The following SCARB1 variants were observed in gnomAD, a reference collection of about 807,000 sequenced individuals.
SCARB1 encodes scavenger receptor class B member 1.
A neutral mutation model predicts 57.2 loss-of-function variants in SCARB1; 30 were observed. The observed-to-expected ratio is 0.52, with a 90% confidence interval of 0.39 to 0.71. The LOEUF is 0.71. Ranked by LOEUF, SCARB1 falls within the 30% of genes least tolerant of loss-of-function variation. SCARB1 has a pLI of 0.00. For synonymous variants in SCARB1, 249 were observed against 268.3 expected (o/e 0.93, Z 0.70); for missense variants, 543 against 671.2 (o/e 0.81, Z 2.11).
At chr12:124,856,579 G>C (rs1485194982) in intron 1 of SCARB1, among the ~76,000 whole-genome samples, 2 of 152,232 alleles carry the variant, frequency 1.3e-5, no homozygotes, top group African/African-American at 2.4e-5. Context: ...GCAGGAAAGA[G>C]GAAGAAAAAC....
At position 124,831,389 on chromosome 12, in the gene SCARB1, T is replaced by C. The variant is rs551569109; in HGVS notation, c.127-13682A>G. Reference sequence around the variant, plus strand: ...ACCTTGGCCTCCCAAAGTGCTGGGATTACAGACGTGAGCCACTGCGCCTGG... The same window carrying C: ...ACCTTGGCCTCCCAAAGTGCTGGGACTACAGACGTGAGCCACTGCGCCTGG... On this transcript the variant is annotated intron_variant, in intron 1 of 12. Transcript: ENST00000261693. Among the ~76,000 whole-genome samples the C allele has an allele frequency of 5.3e-5, 8 of 152,256 alleles. No individual in the cohort carries two copies. The East Asian group carries it at 1.5e-3, about 29-fold the overall frequency.
intron 9 of SCARB1, among the ~76,000 whole-genome samples, chr12:124,792,433 T>C (rs921877411): frequency 5.3e-5 from 8 of 151,872 alleles, no homozygotes; most frequent in African/African-American, 1.9e-4. Flanking sequence ...GTGAACTGTT[T>C]GTTAAGAATG....
At chr12:124,821,614 ACTGAC>A in intron 1 of SCARB1, 1 of 846,022 alleles carries the variant, frequency 1.2e-6, no homozygotes, top group Non-Finnish European at 1.4e-6. Context: ...GGGATGGGTC[ACTGAC>A]CTTCTCCGAG....
At position 124,814,300 on chromosome 12, in the gene SCARB1, C is replaced by T; in HGVS notation, c.532G>A (p.Glu178Lys). Reference protein sequence around the residue: ...ERAFMNRTVGEIMWGYKDPLV... With the variant: ...ERAFMNRTVGKIMWGYKDPLV... Reference sequence around the variant, plus strand: ...GGGTCCTTGTAGCCCCACATGATCTCACCCACAGTGCGGTTCATGAAGGCA... The same window carrying T: ...GGGTCCTTGTAGCCCCACATGATCTTACCCACAGTGCGGTTCATGAAGGCA... The change falls in exon 4 of 13, where the codon GAG (glutamate) becomes AAG (lysine). Residue 178 changes from glutamate to lysine, a missense_variant. Coordinates refer to ENST00000261693, the MANE Select transcript of SCARB1 (RefSeq NM_005505.5). The surrounding 1 kb of genome is among the most constrained non-coding windows in gnomAD (Gnocchi z 4.7). The T allele has an allele frequency of 6.2e-7, 1 of 1,614,232 alleles. No individual in the cohort carries two copies. Among genetic ancestry groups the T allele is most frequent in the Non-Finnish European group, 8.5e-7 (1 of 1,180,034 alleles).
At chr12:124,847,239 T>C (rs1209165486) in intron 1 of SCARB1, among the ~76,000 whole-genome samples, 2 of 152,220 alleles carry the variant, frequency 1.3e-5, no homozygotes, top group African/African-American at 4.8e-5. Flanking sequence ...TCCAGGAGCC[T>C]GGGAACAGAC....
In SCARB1 at chr12:124,795,187, C is replaced by A; in HGVS notation, c.1202+8G>T. The A allele has an allele frequency of 1.2e-6, 2 of 1,611,198 alleles. No homozygotes were observed. The highest frequency in any genetic ancestry group is 1.7e-6 in the Non-Finnish European group (2 of 1,177,444). ...GCAATGCAGCCCCAGCTCCCAGTCCCCACTCACCCAATGCCTGCGACAGAT... is the reference window on the plus strand; with the variant it reads ...GCAATGCAGCCCCAGCTCCCAGTCCACACTCACCCAATGCCTGCGACAGAT... On this transcript the variant is annotated splice_region_variant and intron_variant, in intron 9 of 12. Coordinates refer to ENST00000261693, the MANE Select transcript of SCARB1 (RefSeq NM_005505.5).
chr12:124,778,962 T>C (rs941652646), intron 12 of SCARB1, among the ~76,000 whole-genome samples: 3 of 152,176 alleles, frequency 2.0e-5, no homozygotes, highest in African/African-American at 7.2e-5. Flanking sequence ...ATTTATTTTT[T>C]ATTTTTTAGA....
At position 124,789,451 on chromosome 12, in the gene SCARB1, C is replaced by T. The variant is rs1949642925; in HGVS notation, c.1203-1994G>A. On this transcript the variant is annotated intron_variant, in intron 9 of 12. Coordinates refer to ENST00000261693, the MANE Select transcript of SCARB1 (RefSeq NM_005505.5). This position sits in a 1 kb window ranked among gnomAD's most constrained non-coding sequence, Gnocchi z 4.4. ...ACACCTGGGAAACTGTGACCTGCCA[C>T]GACGAAGGGGACCGTGCAGACATGA... Among the ~76,000 whole-genome samples, 1 of 152,118 alleles carries T rather than the reference C, an allele frequency of 6.6e-6. No individual in the cohort carries two copies. Among genetic ancestry groups the T allele is most frequent in the South Asian group, 2.1e-4 (1 of 4,822 alleles).
At chr12:124,824,254 C>G (rs1038921264) in intron 1 of SCARB1, among the ~76,000 whole-genome samples, 1 of 151,526 alleles carries the variant, frequency 6.6e-6, no homozygotes, top group Non-Finnish European at 1.5e-5. Context: ...ATGGACAAAC[C>G]TCAAAAACCT....
At chr12:124,834,769 A>C (rs1216817407) in intron 1 of SCARB1, among the ~76,000 whole-genome samples, 2 of 152,178 alleles carry the variant, frequency 1.3e-5, no homozygotes, top group Admixed American at 1.3e-4. Context: ...ATAGCCAGGC[A>C]TGGTGGCATG....
At chr12:124,816,462 C>CGAGCGAAT (rs1340015119) in intron 2 of SCARB1, among the ~76,000 whole-genome samples, 2 of 152,330 alleles carry the variant, frequency 1.3e-5, no homozygotes, top group African/African-American at 4.8e-5. Context: ...GTTAAATGAA[C>CGAGCGAAT]GAGCGAATGA....
At chr12:124,860,976 G>A (rs1329685974) in intron 1 of SCARB1, among the ~76,000 whole-genome samples, 1 of 152,164 alleles carries the variant, frequency 6.6e-6, no homozygotes, top group Non-Finnish European at 1.5e-5. Context: ...TATACATACA[G>A]GCTCCTGGTA....
intron 1 of SCARB1, among the ~76,000 whole-genome samples, chr12:124,846,344 C>A (rs557351994): frequency 2.0e-5 from 3 of 152,198 alleles, no homozygotes; most frequent in South Asian, 2.1e-4. Context: ...CATGACCAGA[C>A]CCCCTACTCT....
chr12:124,856,986 C>T (rs1199681695), intron 1 of SCARB1, among the ~76,000 whole-genome samples: 1 of 152,172 alleles, frequency 6.6e-6, no homozygotes, highest in African/African-American at 2.4e-5. Context: ...GACAAAGCCT[C>T]GAAGGGACCC....
intron 1 of SCARB1, among the ~76,000 whole-genome samples, chr12:124,819,899 A>C (rs1950881801): frequency 1.3e-5 from 2 of 152,236 alleles, no homozygotes; most frequent in African/African-American, 4.8e-5. Flanking sequence ...CATCTGTACG[A>C]AGGAGCTAGT....
Position 124,782,695 on chromosome 12 carries a change from T to C in SCARB1, c.1518A>G (p.Glu506=). The change falls in exon 12 of 13, where the codon GAA becomes GAG. Residue 506 remains glutamate (E), a synonymous_variant. Coordinates refer to ENST00000261693, the MANE Select transcript of SCARB1 (RefSeq NM_005505.5). ...ACCTGGTACCCACCTACAGTTTTGC[T>C]TCCTGCAGCACAGAGCCCTTGGGAG... ...TSAPKGSVLQ[E]AKL The C allele has an allele frequency of 6.2e-7, 1 of 1,614,082 alleles. No homozygotes were observed. The highest frequency in any genetic ancestry group is 2.2e-5 in the East Asian group (1 of 44,882).
Position 124,797,209 on chromosome 12 carries a change from G to A in SCARB1, c.1129-1941C>T, listed in dbSNP as rs1347736830. 4.6e-5 allele frequency among the ~76,000 whole-genome samples: 7 copies of A among 152,074 alleles called. 1 individual carries two copies. The highest frequency in any genetic ancestry group is 1.7e-4 in the African/African-American group (7 of 41,376). ...AGAGGACTCTGGAAGCTCCAGCCTGGCCTCCCCCGACTTCACCCAAGGTGC... is the reference window on the plus strand; with the variant it reads ...AGAGGACTCTGGAAGCTCCAGCCTGACCTCCCCCGACTTCACCCAAGGTGC... On this transcript the variant is annotated intron_variant, in intron 8 of 12. Transcript: ENST00000261693.
rs1950370368 is a variant in SCARB1, at chr12:124,807,746, G to T, written c.1009+15C>A. The T allele has an allele frequency of 6.2e-7, 1 of 1,613,508 alleles. No individual in the cohort carries two copies. Among genetic ancestry groups the T allele is most frequent in the Non-Finnish European group, 8.5e-7 (1 of 1,179,640 alleles). ...CACACCCTCCCGCCATCCCAGCACA[G>T]GGGACGGCACGTACTGAACCTGCAG... On this transcript the variant is annotated intron_variant, in intron 7 of 12. Transcript: ENST00000261693. This position sits in a 1 kb window ranked among gnomAD's most constrained non-coding sequence, Gnocchi z 5.3.
intron 4 of SCARB1, among the ~76,000 whole-genome samples, chr12:124,813,258 G>A (rs1950586450): frequency 6.6e-6 from 1 of 152,154 alleles, no homozygotes; most frequent in Admixed American, 6.5e-5. Context: ...TTTACCCCCA[G>A]TTCCTCCATC....
Sources: allele counts gnomAD v4.1 joint callset (sites outside exome capture counted in the v4.1 genomes callset), GRCh38; gene constraint gnomAD v4.1.1; non-coding constraint Gnocchi (gnomAD v3.1); transcripts MANE v1.5; gene names NCBI Gene and HGNC (gene_info 2026-07-23, HGNC 2026-07-21).